The following DIAPH2 variants were observed in gnomAD, a reference collection of about 807,000 sequenced individuals.
DIAPH2 encodes the protein protein diaphanous homolog 2.
A neutral mutation model predicts 92.7 loss-of-function variants in DIAPH2; 35 were observed. The ratio of observed to expected loss-of-function variants is 0.38; its 90% CI spans 0.29 to 0.50. The LOEUF is 0.50. DIAPH2 is among the 20% of genes least tolerant of loss of function. The pLI is 0.94. For synonymous variants in DIAPH2, 301 were observed against 280.4 expected, an observed-to-expected ratio of 1.07 and a Z score of -0.73; for missense variants, 701 against 819.5, an observed-to-expected ratio of 0.86 and a Z score of 1.77.
chrX:97,540,664 A>T (rs1254325082), intron 26 of DIAPH2, among the ~76,000 whole-genome samples: 5 of 112,186 alleles, frequency 4.5e-5, no homozygotes, highest in Non-Finnish European at 9.4e-5. Context: ...ATTGATCATT[A>T]TGCAACCAAT....
chrX:96,952,194 T>C (rs1308875409), intron 15 of DIAPH2, among the ~76,000 whole-genome samples: 1 of 111,729 alleles, frequency 9.0e-6, no homozygotes, highest in African/African-American at 3.2e-5. Context: ...CTTGTCTTTC[T>C]TTCTAACCTC....
chrX:97,197,077 T>G (rs1232241746), intron 22 of DIAPH2, among the ~76,000 whole-genome samples: 1 of 111,529 alleles, frequency 9.0e-6, no homozygotes, highest in Non-Finnish European at 1.9e-5. Context: ...TTAGGAAGTT[T>G]TGAGGAAATA....
At chrX:96,892,226 G>T (rs2065312163) in intron 5 of DIAPH2, among the ~76,000 whole-genome samples, 1 of 111,858 alleles carries the variant, frequency 8.9e-6, no homozygotes, top group Non-Finnish European at 1.9e-5. Flanking sequence ...GACTAACTAT[G>T]AAAGATGGAA....
chrX:97,383,969 C>T lies in DIAPH2; in HGVS notation c.3070C>T (p.Leu1024Phe). 8.3e-7 allele frequency: 1 copy of T among 1,204,703 alleles called. No homozygotes were observed. The stretch of plus-strand genomic sequence containing the variant: ...GGAAGAGAAGACCAGGAGGGCAAAA[C>T]TTGCAAAAGAGAAAGCTGAACAAGA... ...EMEEKTRRAKLAKEKAEQEKL... is the reference protein window; with the variant it reads ...EMEEKTRRAKFAKEKAEQEKL... Residue 1024 changes from leucine to phenylalanine, a missense_variant, in exon 25 of 27, where the codon CTT becomes TTT. Physicochemically the swap from Leu to Phe is conservative, Grantham distance 22 (BLOSUM62 0). Around this residue, in one of 3 missense-constraint regions of DIAPH2, gnomAD observed 536 missense variants for 599.3 expected, o/e 0.89. Transcript: ENST00000324765.
chrX:96,902,653 C>T (rs1291872536), intron 5 of DIAPH2, among the ~76,000 whole-genome samples: 1 of 110,656 alleles, frequency 9.0e-6, no homozygotes, highest in African/African-American at 3.3e-5. Context: ...AAATATATAC[C>T]GTTTTTATTT....
At chrX:97,465,006 C>T (rs1369334059) in intron 26 of DIAPH2, among the ~76,000 whole-genome samples, 7 of 110,752 alleles carry the variant, frequency 6.3e-5, no homozygotes, top group African/African-American at 1.3e-4. Context: ...CACCACCACG[C>T]CTGGCTAATT....
Position 97,450,236 on chromosome X carries a change from G to A in DIAPH2, c.3241+20491G>A, listed in dbSNP as rs367620596. Among the ~76,000 whole-genome samples the A allele has an allele frequency of 1.4e-4, 16 of 111,463 alleles. No homozygotes were observed. The East Asian group carries it at 1.7e-3, about 12-fold the overall frequency. ...TAATGTTAATGGAAGTTAGGCATGG[G>A]TATCAAGAGGTAAAAATCCTAGAAG... On this transcript the variant is annotated intron_variant, in intron 26 of 26. Transcript: ENST00000324765.
chrX:97,447,287 C>T (rs1225863600), intron 26 of DIAPH2, among the ~76,000 whole-genome samples: 3 of 110,284 alleles, frequency 2.7e-5, no homozygotes, highest in African/African-American at 9.9e-5. Context: ...TTCTGAGTGT[C>T]CTACTTCAGA....
At position 97,429,632 on chromosome X, in the gene DIAPH2, A is replaced by T. The variant is rs1384581366; in HGVS notation, c.3146-18A>T. On this transcript the variant is annotated intron_variant, in intron 25 of 26. Transcript: ENST00000324765. ...TTTAATTGCTCCAAGATTAATTCTG[A>T]TTTCTCCCTTTCTCCAGAGGGTGAT... 1 of 1,199,541 alleles carries T rather than the reference A, an allele frequency of 8.3e-7. No individual in the cohort carries two copies. Among genetic ancestry groups the T allele is most frequent in the Non-Finnish European group, 1.1e-6 (1 of 891,577 alleles).
intron 16 of DIAPH2, among the ~76,000 whole-genome samples, chrX:96,958,898 A>C (rs1237000668): frequency 8.9e-6 from 1 of 111,779 alleles, no homozygotes; most frequent in Non-Finnish European, 1.9e-5. Flanking sequence ...ATATTGCTGC[A>C]AATGACAGGA....
intron 4 of DIAPH2, among the ~76,000 whole-genome samples, chrX:96,834,353 A>G (rs1402185604): frequency 8.9e-6 from 1 of 111,970 alleles, no homozygotes; most frequent in Non-Finnish European, 1.9e-5. Flanking sequence ...GGATACCCAC[A>G]CTGGACTCGG....
intron 17 of DIAPH2, among the ~76,000 whole-genome samples, chrX:96,987,004 A>C (rs1602691711): frequency 9.0e-6 from 1 of 111,603 alleles, no homozygotes; most frequent in Middle Eastern, 4.6e-3. Context: ...TCAAAGATAA[A>C]ATTTTTTTTA....
chrX:96,839,603 A>G (rs1486214443), intron 4 of DIAPH2, among the ~76,000 whole-genome samples: 1 of 112,025 alleles, frequency 8.9e-6, no homozygotes, highest in East Asian at 2.8e-4. Context: ...AATTTTTGTT[A>G]AATTATATTC....
chrX:97,370,717 C>T (rs775000265), intron 24 of DIAPH2, among the ~76,000 whole-genome samples: 72 of 111,315 alleles, frequency 6.5e-4, no homozygotes, highest in Non-Finnish European at 1.0e-3. Flanking sequence ...TGGAAATAGC[C>T]GGAAGTTACA....
At chrX:97,025,658 A>AAAAC (rs747250452) in intron 17 of DIAPH2, among the ~76,000 whole-genome samples, 4,786 of 111,212 alleles carry the variant, frequency 0.043, 134 homozygotes, top group Middle Eastern at 0.079. Flanking sequence ...TCTCAAAAAC[A>AAAAC]AAACAAACAA....
chrX:97,545,532 AAATATAT>A (rs1428394327), intron 26 of DIAPH2, among the ~76,000 whole-genome samples: 7 of 22,653 alleles, frequency 3.1e-4, no homozygotes, highest in Admixed American at 7.7e-4. Flanking sequence ...GAAAAAAAAA[AAATATAT>A]ATATATATAT....
rs942417333 is a variant in DIAPH2 at position 96,829,000 on chromosome X, A to C, written c.448-52579A>C. Among the ~76,000 whole-genome samples, 28 of 112,321 alleles carry C rather than the reference A, an allele frequency of 2.5e-4. 1 individual carries two copies. Among genetic ancestry groups the C allele is most frequent in the South Asian group, 3.7e-4 (1 of 2,716 alleles). On this transcript the variant is annotated intron_variant, in intron 4 of 26. Coordinates refer to ENST00000324765, the MANE Select transcript of DIAPH2 (RefSeq NM_006729.5). Reference sequence around the variant, plus strand: ...CAAAAAGTCCTTGATAAAATTTAGCATGCTTTCCGATTATAAAATTAATAC... The same window carrying C: ...CAAAAAGTCCTTGATAAAATTTAGCCTGCTTTCCGATTATAAAATTAATAC...
chrX:97,316,185 C>G (rs1234185022), intron 23 of DIAPH2, among the ~76,000 whole-genome samples: 1 of 111,184 alleles, frequency 9.0e-6, no homozygotes, highest in South Asian at 3.8e-4. Context: ...CAGCCTTGTC[C>G]GTTTACCCTA....
chrX:97,381,807 A>T (rs1450905129), intron 24 of DIAPH2, among the ~76,000 whole-genome samples: 3 of 112,090 alleles, frequency 2.7e-5, no homozygotes, highest in African/African-American at 9.7e-5. Flanking sequence ...TGTATTTAAG[A>T]CTAGATAATG....
Sources: gnomAD v4.1 joint callset for allele counts (sites outside exome capture counted in the v4.1 genomes callset) on GRCh38, gnomAD v4.1.1 for gene constraint, gnomAD v4.1.1 regional missense constraint, MANE v1.5 for transcripts, NCBI Gene and HGNC (gene_info 2026-07-23, HGNC 2026-07-21) for gene names.